C10orf53: variants seen among roughly 807,000 people sequenced by gnomAD.
The protein encoded by C10orf53 is UPF0728 protein C10orf53.
Under a neutral mutation model 9.4 loss-of-function variants are expected in C10orf53, and 8 were observed. The observed-to-expected ratio is 0.85, with a 90% CI of 0.50 to 1.53. The LOEUF is 1.53. Ranked by LOEUF, C10orf53 falls within the 40% of genes most tolerant of loss-of-function variation. The probability of loss-of-function intolerance (pLI) is 0.00; values close to 1 mark genes in which losing one functional copy is unlikely to be tolerated. For synonymous variants in C10orf53, 48 were observed against 46.0 expected, an observed-to-expected ratio of 1.04 and a Z score of -0.18; for missense variants, 117 against 117.8, an observed-to-expected ratio of 0.99 and a Z score of 0.03.
downstream of C10orf53, among the ~76,000 whole-genome samples, chr10:49,700,598 T>A (rs1720367): frequency 0.37 from 56,386 of 151,770 alleles, 12,635 homozygotes; most frequent in East Asian, 0.81. Context: ...GCATGTCCAC[T>A]TCTCCCTGAT....
At chr10:49,684,786 T>A (rs1345152361) in intron 1 of C10orf53, among the ~76,000 whole-genome samples, 3 of 152,218 alleles carry the variant, frequency 2.0e-5, no homozygotes, top group Non-Finnish European at 4.4e-5. Flanking sequence ...GGGTATAAGA[T>A]TATGCAATCT....
chr10:49,694,337 G>A, intron 2 of C10orf53: 1 of 696,276 alleles, frequency 1.4e-6, no homozygotes, highest in Non-Finnish European at 2.3e-6. Context: ...CTTCTGGCCT[G>A]GCAGGCTGGC....
At chr10:49,687,126 T>G (rs1385950387) in intron 1 of C10orf53, among the ~76,000 whole-genome samples, 3 of 152,244 alleles carry the variant, frequency 2.0e-5, no homozygotes, top group Non-Finnish European at 2.9e-5. Context: ...TCTGACTGTT[T>G]CTGGGTTTTG....
intron 2 of C10orf53, among the ~76,000 whole-genome samples, chr10:49,704,936 A>G (rs182678080): frequency 6.6e-6 from 1 of 152,244 alleles, no homozygotes; most frequent in African/African-American, 2.4e-5. Flanking sequence ...GATTTGTCCT[A>G]AAGATACTAT....
rs190318477 is a variant in C10orf53 at position 49,686,985 on chromosome 10, A to T, written c.98-6789A>T. Among the ~76,000 whole-genome samples the T allele has an allele frequency of 5.8e-4, 88 of 152,358 alleles. 2 individuals carry two copies. Among genetic ancestry groups the T allele is most frequent in the Non-Finnish European group, 5.9e-5 (4 of 68,032 alleles). On this transcript the variant is annotated intron_variant, in intron 1 of 2. Transcript: ENST00000374111. ...TCAAGACTGCCACCAGGTCAGAGAAAAGGTGAGGCAAGGGCAGGCAAACAT... is the reference window on the plus strand; with the variant it reads ...TCAAGACTGCCACCAGGTCAGAGAATAGGTGAGGCAAGGGCAGGCAAACAT...
In C10orf53 at chr10:49,693,907, C is replaced by G. The variant is rs564338810; in HGVS notation, c.217+14C>G. On this transcript the variant is annotated intron_variant, in intron 2 of 2. Transcript: ENST00000374111. The stretch of plus-strand genomic sequence containing the variant: ...ACTTGGAGTTCGGTAAGCCCTTTGG[C>G]GATGCTTCCAGCCAGCAATTTGCCT... 1 of 1,614,218 alleles carries G rather than the reference C, an allele frequency of 6.2e-7. No individual in the cohort carries two copies. The highest frequency in any genetic ancestry group is 8.5e-7 in the Non-Finnish European group (1 of 1,180,026).
At chr10:49,680,721 T>G (rs146920451) in intron 1 of C10orf53, among the ~76,000 whole-genome samples, 303 of 152,214 alleles carry the variant, frequency 2.0e-3, no homozygotes, top group Non-Finnish European at 3.7e-3. Context: ...TGAGAGTAGC[T>G]TGGACCATAA....
chr10:49,708,796 C>G lies in C10orf53; in HGVS notation c.*179C>G, dbSNP rs1397075733. 1.1e-5 allele frequency: 9 copies of G among 795,372 alleles called. No homozygotes were observed. The African/African-American group carries it at 1.6e-4, about 14-fold the overall frequency. 49.3% of individuals were successfully genotyped at this position (795,372 alleles called of 1,614,324 possible). On this transcript the variant is annotated 3_prime_UTR_variant, in exon 3 of 3. Coordinates refer to the C10orf53 transcript ENST00000374112. ...CCTGTGGCAAACCCAACGTGATTCT[C>G]CCCAGCTCTGAGTCTCTACAACTGT...
chr10:49,701,348 G>A (rs546485639), downstream of C10orf53, among the ~76,000 whole-genome samples: 10 of 152,318 alleles, frequency 6.6e-5, no homozygotes, highest in South Asian at 1.5e-3. Flanking sequence ...GCTAAATGGG[G>A]GGAAACTAGG....
intron 1 of C10orf53, among the ~76,000 whole-genome samples, chr10:49,692,915 A>G (rs898433291): frequency 1.3e-5 from 2 of 152,238 alleles, no homozygotes; most frequent in Admixed American, 1.3e-4. Flanking sequence ...ACTTTTTTTC[A>G]GATTATTATA....
chr10:49,688,447 C>T (rs1714915361), intron 1 of C10orf53, among the ~76,000 whole-genome samples: 1 of 152,108 alleles, frequency 6.6e-6, no homozygotes, highest in Admixed American at 6.6e-5. Context: ...TTCCCTGCAA[C>T]CCTCATCTGC....
At chr10:49,699,758 A>C (rs570952375), downstream of C10orf53, among the ~76,000 whole-genome samples, 1 of 152,234 alleles carries the variant, frequency 6.6e-6, no homozygotes, top group African/African-American at 2.4e-5. Context: ...ACTTGACCCA[A>C]CCATTTGGTT....
intron 1 of C10orf53, among the ~76,000 whole-genome samples, chr10:49,688,828 T>C (rs1418995911): frequency 1.3e-5 from 2 of 152,168 alleles, no homozygotes; most frequent in African/African-American, 4.8e-5. Context: ...GTCACCTTCA[T>C]GGGCAGGCCT....
In C10orf53 at chr10:49,696,357, G is replaced by A. The variant is rs944438804; in HGVS notation, c.*1755G>A. On this transcript the variant is annotated 3_prime_UTR_variant, in exon 3 of 3. Transcript: ENST00000374111. ...CAAAACTTTTTCAATGCTGAGAACT[G>A]AAATTGCTAGCTTCCCCTGTCTGCA... Among the ~76,000 whole-genome samples, 3 of 152,118 alleles carry A rather than the reference G, an allele frequency of 2.0e-5. No individual in the cohort carries two copies. Among genetic ancestry groups the A allele is most frequent in the Non-Finnish European group, 4.4e-5 (3 of 68,030 alleles).
chr10:49,705,570 C>T (rs187789808), intron 2 of C10orf53, among the ~76,000 whole-genome samples: 2 of 151,996 alleles, frequency 1.3e-5, no homozygotes, highest in Admixed American at 1.3e-4. Flanking sequence ...AACTGGATAG[C>T]CACAGGCAAA....
At position 49,695,955 on chromosome 10, in the gene C10orf53, A is replaced by G. The variant is rs180743124; in HGVS notation, c.*1353A>G. On this transcript the variant is annotated 3_prime_UTR_variant, in exon 3 of 3. Coordinates refer to ENST00000374111, the MANE Select transcript of C10orf53 (RefSeq NM_001042427.3). ...TGTAGCATTCAATCTTTGTTTCAAT[A>G]TAACATTTTACTACAAGAGAAATCC... 9 of 152,344 alleles carry G rather than the reference A, an allele frequency of 5.9e-5. No individual in the cohort carries two copies. The highest frequency in any genetic ancestry group is 1.2e-4 in the African/African-American group (5 of 41,576). 9.4% of individuals were successfully genotyped at this position (152,344 alleles called of 1,614,324 possible).
chr10:49,691,568 C>A (rs932727181), intron 1 of C10orf53, among the ~76,000 whole-genome samples: 2 of 152,224 alleles, frequency 1.3e-5, no homozygotes, highest in African/African-American at 4.8e-5. Flanking sequence ...AAGAGGGTTT[C>A]TTCCTGTTGG....
chr10:49,687,175 G>A (rs1325704818), intron 1 of C10orf53, among the ~76,000 whole-genome samples: 2 of 152,188 alleles, frequency 1.3e-5, no homozygotes, highest in Non-Finnish European at 2.9e-5. Flanking sequence ...TGGGAGTTTG[G>A]AGCTGTCTGC....
chr10:49,686,577 A>C (rs1258263), intron 1 of C10orf53, among the ~76,000 whole-genome samples: 144,392 of 152,194 alleles, frequency 0.95, 68,833 homozygotes, highest in Middle Eastern at 1. Context: ...ATAATTGAGA[A>C]CCTGGGAAAG....
Sources: gnomAD v4.1 joint callset for allele counts (sites outside exome capture counted in the v4.1 genomes callset) on GRCh38, gnomAD v4.1.1 for gene constraint, MANE v1.5 for transcripts, NCBI Gene and HGNC (gene_info 2026-07-23, HGNC 2026-07-21) for gene names.